The following FGF14 variants were observed in gnomAD, a reference collection of about 807,000 sequenced individuals.
FGF14 encodes the protein fibroblast growth factor 14.
A neutral mutation model predicts 25.5 loss-of-function variants in FGF14; 5 were observed. The ratio of observed to expected loss-of-function variants is 0.20; its 90% CI spans 0.10 to 0.41. The LOEUF is 0.41. Among genes scored for constraint, FGF14 ranks in the 10% least tolerant of loss-of-function variants. The pLI is 1.00. For synonymous variants in FGF14, 138 were observed against 118.3 expected (o/e 1.17, Z -1.08); for missense variants, 222 against 320.1 (o/e 0.69, Z 2.34).
intron 3 of FGF14, among the ~76,000 whole-genome samples, chr13:101,860,196 A>G (rs1655006235): frequency 6.6e-6 from 1 of 152,036 alleles, no homozygotes; most frequent in South Asian, 2.1e-4. Flanking sequence ...CTTTCTTTCT[A>G]TCATTTCTTA....
At chr13:101,871,478 G>T (rs984738236) in intron 2 of FGF14, among the ~76,000 whole-genome samples, 1 of 152,058 alleles carries the variant, frequency 6.6e-6, no homozygotes, top group African/African-American at 2.4e-5. Flanking sequence ...TGGGGTGGTG[G>T]CCACTGAGTG....
Position 101,718,731 on chromosome 13 carries a change from A to G in FGF14, c.*4100T>C, listed in dbSNP as rs2034814271. ...TACCGCCCTCCACTACCTCAAATGC[A>G]AACACAATCTCTGCCAGTAGACATT... On this transcript the variant is annotated 3_prime_UTR_variant, in exon 5 of 5. Transcript: ENST00000376143. 6.6e-6 allele frequency: 1 copy of G among 152,014 alleles called. No homozygotes were observed. The highest frequency in any genetic ancestry group is 2.1e-4 in the South Asian group (1 of 4,828). 9.4% of individuals were successfully genotyped at this position (152,014 alleles called of 1,614,324 possible).
At chr13:102,349,008 C>T (rs1413299577) in intron 1 of FGF14, among the ~76,000 whole-genome samples, 1 of 152,146 alleles carries the variant, frequency 6.6e-6, no homozygotes, top group Non-Finnish European at 1.5e-5. Flanking sequence ...TTTTGCCCCT[C>T]GAGAACATAT....
At chr13:102,129,789 A>G (rs896022802) in intron 1 of FGF14, among the ~76,000 whole-genome samples, 1 of 152,172 alleles carries the variant, frequency 6.6e-6, no homozygotes. Flanking sequence ...ATACATATGT[A>G]ACAAACCTGC....
chr13:102,166,499 C>G (rs2048018737), intron 1 of FGF14, among the ~76,000 whole-genome samples: 1 of 152,110 alleles, frequency 6.6e-6, no homozygotes, highest in Non-Finnish European at 1.5e-5. Flanking sequence ...CTTGTTTCAG[C>G]TCTCATACCG....
At chr13:102,269,984 T>A (rs913404367) in intron 1 of FGF14, among the ~76,000 whole-genome samples, 1 of 152,128 alleles carries the variant, frequency 6.6e-6, no homozygotes, top group African/African-American at 2.4e-5. Context: ...CAGGGACCAG[T>A]TTTTTTCCAT....
At chr13:101,774,719 T>G (rs1175986572) in intron 3 of FGF14, among the ~76,000 whole-genome samples, 1 of 151,994 alleles carries the variant, frequency 6.6e-6, no homozygotes, top group Non-Finnish European at 1.5e-5. Context: ...CTAGAGAAAT[T>G]GGAACTTATG....
At chr13:102,026,923 T>C (rs1410362651) in intron 1 of FGF14, among the ~76,000 whole-genome samples, 5 of 152,032 alleles carry the variant, frequency 3.3e-5, no homozygotes, top group East Asian at 3.9e-4. Context: ...ATTCTATTAA[T>C]AGCTTGACTT....
intron 1 of FGF14, among the ~76,000 whole-genome samples, chr13:101,897,614 A>C (rs2030892351): frequency 6.6e-6 from 1 of 152,170 alleles, no homozygotes; most frequent in Non-Finnish European, 1.5e-5. Context: ...TCTTTATTAG[A>C]GACTTTTTCA....
At chr13:101,921,581 C>T (rs2034010464), upstream of FGF14, among the ~76,000 whole-genome samples, 1 of 152,214 alleles carries the variant, frequency 6.6e-6, no homozygotes, top group Non-Finnish European at 1.5e-5. Context: ...ACCACCTCCA[C>T]TACTACCTAC....
intron 3 of FGF14, among the ~76,000 whole-genome samples, chr13:101,822,850 T>C (rs1164403650): frequency 6.6e-6 from 1 of 152,200 alleles, no homozygotes; most frequent in Non-Finnish European, 1.5e-5. Context: ...TACATTTTTG[T>C]ATCTATTAAC....
chr13:101,722,989 G>A (rs777211457), intron 4 of FGF14, 22 bp from the exon 5 acceptor site: 18 of 1,612,876 alleles, frequency 1.1e-5, no homozygotes, highest in East Asian at 2.2e-5. Flanking sequence ...AAGAAAGGAG[G>A]AGGAAAAGCA....
chr13:102,184,441 A>C (rs1427242764), intron 1 of FGF14, among the ~76,000 whole-genome samples: 6 of 152,154 alleles, frequency 3.9e-5, no homozygotes, highest in Non-Finnish European at 7.4e-5. Flanking sequence ...ATCTAGACTC[A>C]CATGTATAGT....
At chr13:102,243,246 A>C (rs886528596) in intron 1 of FGF14, among the ~76,000 whole-genome samples, 3 of 152,136 alleles carry the variant, frequency 2.0e-5, no homozygotes, top group Admixed American at 6.6e-5. Flanking sequence ...ATCTTCTTTA[A>C]GTGACGGTCT....
chr13:102,310,146 G>A (rs1267119973), intron 1 of FGF14, among the ~76,000 whole-genome samples: 3 of 152,134 alleles, frequency 2.0e-5, no homozygotes, highest in African/African-American at 4.8e-5. Context: ...TAAATGGCTT[G>A]GCTTTGAATT....
At chr13:101,978,207 A>G (rs2038044195) in intron 1 of FGF14, among the ~76,000 whole-genome samples, 1 of 152,240 alleles carries the variant, frequency 6.6e-6, no homozygotes, top group Non-Finnish European at 1.5e-5. Context: ...CTCTTTTAAT[A>G]GAGTTGCATT....
At chr13:102,156,853 C>G (rs1040177734) in intron 1 of FGF14, among the ~76,000 whole-genome samples, 2 of 152,146 alleles carry the variant, frequency 1.3e-5, no homozygotes, top group Non-Finnish European at 2.9e-5. Flanking sequence ...CACAAGCATT[C>G]TTATACACCA....
chr13:102,180,375 C>T (rs964756959), intron 1 of FGF14, among the ~76,000 whole-genome samples: 1 of 152,064 alleles, frequency 6.6e-6, no homozygotes, highest in Admixed American at 6.6e-5. Flanking sequence ...TACAGTGGCA[C>T]AATCTCAGCT....
At chr13:101,797,028 C>T (rs918516708) in intron 3 of FGF14, among the ~76,000 whole-genome samples, 7 of 152,124 alleles carry the variant, frequency 4.6e-5, no homozygotes, top group Admixed American at 1.3e-4. Context: ...GACCCAGCAC[C>T]CAACTCCACT....
Sources: allele counts gnomAD v4.1 joint callset (sites outside exome capture counted in the v4.1 genomes callset), GRCh38; gene constraint gnomAD v4.1.1; transcripts MANE v1.5; gene names NCBI Gene and HGNC (gene_info 2026-07-23, HGNC 2026-07-21).